Variants in METTL15 observed in about 807,000 individuals in gnomAD.
METTL15 encodes methyltransferase 15, mitochondrial 12S rRNA N4-cytidine.
In METTL15, 34 loss-of-function variants were observed where a neutral mutation model predicts 38.3. The ratio of observed to expected loss-of-function variants is 0.89; its 90% CI spans 0.68 to 1.18. The LOEUF (loss-of-function observed/expected upper bound fraction) is 1.18. METTL15 is among the 50% of genes most tolerant of loss of function. The pLI is 0.00. For missense variants in METTL15, 438 were observed against 498.4 expected, an observed-to-expected ratio of 0.88 and a Z score of 1.15; for synonymous variants, 162 against 170.9, an observed-to-expected ratio of 0.95 and a Z score of 0.41.
intron 5 of METTL15, among the ~76,000 whole-genome samples, chr11:28,384,171 TG>T (rs1315661151): frequency 3.3e-5 from 5 of 152,212 alleles, no homozygotes; most frequent in African/African-American, 1.2e-4. Flanking sequence ...AAGTATTCCA[TG>T]GTGTATATAT....
intron 3 of METTL15, among the ~76,000 whole-genome samples, chr11:28,143,430 T>A (rs1277209166): frequency 6.6e-6 from 1 of 152,186 alleles, no homozygotes; most frequent in African/African-American, 2.4e-5. Context: ...TCATCTTTTG[T>A]TTTCATCAAA....
chr11:28,287,154 CAATGTGTGTGTGT>C (rs1257092487), intron 4 of METTL15: 2 of 85,382 alleles, frequency 2.3e-5, no homozygotes, highest in African/African-American at 9.9e-5. Flanking sequence ...GAGAGAGAGA[CAATGTGTGTGTGT>C]GTGTGTGTGT....
chr11:28,174,334 A>G (rs1189967284), intron 3 of METTL15, among the ~76,000 whole-genome samples: 1 of 152,134 alleles, frequency 6.6e-6, no homozygotes, highest in Non-Finnish European at 1.5e-5. Flanking sequence ...TTTTATTATA[A>G]CCAAGGTTTT....
chr11:28,366,729 G>A (rs1277350160), intron 5 of METTL15, among the ~76,000 whole-genome samples: 2 of 152,098 alleles, frequency 1.3e-5, no homozygotes, highest in Non-Finnish European at 2.9e-5. Context: ...ATGAAGGTGG[G>A]GCTAAATTGG....
chr11:28,490,062 G>A (rs905088929), intron 6 of METTL15, among the ~76,000 whole-genome samples: 1 of 152,102 alleles, frequency 6.6e-6, no homozygotes. Flanking sequence ...AGGGGAGGAA[G>A]CAGAAGGAAG....
chr11:28,215,228 T>G (rs1199250538), intron 4 of METTL15, among the ~76,000 whole-genome samples: 1 of 152,164 alleles, frequency 6.6e-6, no homozygotes, highest in Non-Finnish European at 1.5e-5. Flanking sequence ...GGGTCTTAAT[T>G]TCTTTATGGC....
intron 4 of METTL15, among the ~76,000 whole-genome samples, chr11:28,213,028 C>T (rs1852706904): frequency 6.6e-6 from 1 of 151,934 alleles, no homozygotes; most frequent in African/African-American, 2.4e-5. Context: ...AACTATTAGC[C>T]AGATAGATGA....
chr11:28,111,957 T>C (rs1439127127), intron 2 of METTL15, among the ~76,000 whole-genome samples: 1 of 151,774 alleles, frequency 6.6e-6, no homozygotes, highest in Non-Finnish European at 1.5e-5. Context: ...AGATCACTCA[T>C]TCCCCCCCCC....
At chr11:28,217,131 C>A (rs1288840293) in intron 4 of METTL15, among the ~76,000 whole-genome samples, 1 of 152,120 alleles carries the variant, frequency 6.6e-6, no homozygotes, top group African/African-American at 2.4e-5. Flanking sequence ...CCTGAGGAAT[C>A]GCCACACTGA....
chr11:28,392,793 C>T (rs1850525288), intron 5 of METTL15, among the ~76,000 whole-genome samples: 1 of 151,760 alleles, frequency 6.6e-6, no homozygotes, highest in South Asian at 2.1e-4. Flanking sequence ...TAAAGATCTA[C>T]AACTGAACAA....
chr11:28,405,713 A>G (rs1009034252), intron 5 of METTL15, among the ~76,000 whole-genome samples: 5 of 152,196 alleles, frequency 3.3e-5, no homozygotes, highest in African/African-American at 1.2e-4. Context: ...ATCTCGTGTG[A>G]TGAATAATCT....
At chr11:28,389,791 C>A (rs1247672459) in intron 5 of METTL15, among the ~76,000 whole-genome samples, 2 of 151,400 alleles carry the variant, frequency 1.3e-5, no homozygotes, top group African/African-American at 4.9e-5. Flanking sequence ...GTTCTAGATC[C>A]CTGAGGAATC....
At chr11:28,173,169 A>C (rs1425120703) in intron 3 of METTL15, among the ~76,000 whole-genome samples, 1 of 152,186 alleles carries the variant, frequency 6.6e-6, no homozygotes, top group Non-Finnish European at 1.5e-5. Flanking sequence ...AAGATACTAC[A>C]GAGTTCCCTA....
chr11:28,357,509 A>T (rs527904602), intron 4 of METTL15, among the ~76,000 whole-genome samples: 1 of 152,318 alleles, frequency 6.6e-6, no homozygotes, highest in East Asian at 1.9e-4. Flanking sequence ...TTTCTCTCCT[A>T]GCTTACAGAC....
chr11:28,495,638 A>C (rs1392490510), intron 6 of METTL15, among the ~76,000 whole-genome samples: 4 of 152,210 alleles, frequency 2.6e-5, no homozygotes, highest in African/African-American at 7.2e-5. Context: ...GACATTTTCC[A>C]AACAAATCCA....
intron 6 of METTL15, among the ~76,000 whole-genome samples, chr11:28,451,934 A>G (rs1382467774): frequency 1.3e-5 from 2 of 152,208 alleles, no homozygotes; most frequent in African/African-American, 4.8e-5. Flanking sequence ...ATCTGCCCCC[A>G]TAATGTAGAC....
intron 3 of METTL15, chr11:28,145,868 A>G (rs1022949480): frequency 1.1e-4 from 17 of 151,990 alleles, no homozygotes; most frequent in Admixed American, 9.9e-4. Context: ...ATGATAAGCT[A>G]AATCTGAAAA....
chr11:28,289,003 T>G (rs982479398), intron 4 of METTL15, among the ~76,000 whole-genome samples: 1 of 152,108 alleles, frequency 6.6e-6, no homozygotes, highest in African/African-American at 2.4e-5. Context: ...GATGTTGTAT[T>G]GGGGAAAAAT....
At chr11:28,190,880 CT>C (rs1214059859) in intron 3 of METTL15, among the ~76,000 whole-genome samples, 1 of 151,238 alleles carries the variant, frequency 6.6e-6, no homozygotes, top group Non-Finnish European at 1.5e-5. Flanking sequence ...AGCTCGTTTG[CT>C]TTAGTTATAA....
Sources: allele counts gnomAD v4.1 joint callset (sites outside exome capture counted in the v4.1 genomes callset), GRCh38; gene constraint gnomAD v4.1.1; transcripts MANE v1.5; gene names NCBI Gene and HGNC (gene_info 2026-07-23, HGNC 2026-07-21).